PDGFA: variants seen among roughly 807,000 people sequenced by gnomAD.
PDGFA encodes platelet derived growth factor subunit A.
A neutral mutation model predicts 25.6 loss-of-function variants in PDGFA; 9 were observed. The ratio of observed to expected loss-of-function variants is 0.35; its 90% confidence interval spans 0.21 to 0.61. PDGFA has a LOEUF of 0.61. Among genes scored for constraint, PDGFA ranks in the 20% least tolerant of loss-of-function variants. The pLI, the probability that PDGFA is intolerant of heterozygous loss-of-function variation, is 0.75. For synonymous variants in PDGFA, 133 were observed against 111.8 expected (o/e 1.19, Z -1.20); for missense variants, 242 against 272.8 (o/e 0.89, Z 0.79).
Position 512,374 on chromosome 7 carries a change from G to C in PDGFA, c.242C>G (p.Pro81Arg), listed in dbSNP as rs781007987. Reference sequence around the variant, plus strand: ...ACCGATGCTTCTCTTCCTCCGAATGGGCAGGGGCCGCTTCTCGGGCACATG... The same window carrying C: ...ACCGATGCTTCTCTTCCTCCGAATGCGCAGGGGCCGCTTCTCGGGCACATG... The change falls in exon 3 of 6, where the codon CCC (proline) becomes CGC (arginine). Residue 81 changes from proline (P) to arginine (R), a missense_variant. Pro to Arg is a moderately radical substitution (Grantham distance 103). Around this residue, in one of 5 missense-constraint regions of PDGFA, gnomAD observed 55 missense variants for 88.2 expected, o/e 0.62. Transcript: ENST00000402802. The C allele has an allele frequency of 6.2e-7, 1 of 1,613,528 alleles. No homozygotes were observed. Among genetic ancestry groups the C allele is most frequent in the Non-Finnish European group, 8.5e-7 (1 of 1,179,956 alleles).
At position 500,754 on chromosome 7, in the gene PDGFA, C is replaced by A; in HGVS notation, c.580+362G>T. On this transcript the variant is annotated intron_variant, in intron 5 of 5. Transcript: ENST00000402802. The surrounding 1 kb of genome is among the most constrained non-coding windows in gnomAD (Gnocchi z 5.0). The stretch of plus-strand genomic sequence containing the variant: ...CCAGCCAGCCAGGGCAACTGCAGTC[C>A]TCGAACCTGCTCCTCCCGCCCACCC... 1 of 1,439,426 alleles carries A rather than the reference C, an allele frequency of 6.9e-7. No homozygotes were observed. The highest frequency in any genetic ancestry group is 9.1e-7 in the Non-Finnish European group (1 of 1,100,078). The allele number at this position is 1,439,426 out of a possible 1,614,324, so 89.2% of individuals were successfully genotyped here.
intron 4 of PDGFA, among the ~76,000 whole-genome samples, chr7:503,537 G>C (rs1419860309): frequency 1.3e-5 from 2 of 152,166 alleles, no homozygotes; most frequent in Non-Finnish European, 2.9e-5. Context: ...GAGGGAGGAG[G>C]GGAATGTTTC....
At chr7:510,810 T>G in exon 4 of PDGFA, 1 of 1,531,844 alleles carries the variant, frequency 6.5e-7, no homozygotes, top group Non-Finnish European at 8.8e-7. Flanking sequence ...AGGGCTCACC[T>G]TGACGCTGCG....
intron 4 of PDGFA, among the ~76,000 whole-genome samples, chr7:502,585 T>C (rs1218412022): frequency 1.3e-5 from 2 of 152,200 alleles, no homozygotes; most frequent in African/African-American, 4.8e-5. Context: ...CTCAGCTGGG[T>C]TCCCCTCTTC....
intron 4 of PDGFA, among the ~76,000 whole-genome samples, chr7:506,675 C>T (rs536539118): frequency 8.1e-4 from 124 of 152,290 alleles, no homozygotes; most frequent in Admixed American, 3.5e-3. Context: ...GTCCTACCCC[C>T]GAGGCTTGGG....
At position 500,698 on chromosome 7, in the gene PDGFA, G is replaced by A. The variant is rs1782289844; in HGVS notation, c.580+418C>T. ...CACAGAAGCCATTCTGCTCCTGGGT[G>A]GAGTCCGCGTGGCGGGGTGAAGGAG... On this transcript the variant is annotated intron_variant, in intron 5 of 5. Transcript: ENST00000402802. The surrounding 1 kb of genome is among the most constrained non-coding windows in gnomAD (Gnocchi z 5.0). 2.8e-6 allele frequency: 4 copies of A among 1,444,574 alleles called. No individual in the cohort carries two copies. Among genetic ancestry groups the A allele is most frequent in the Non-Finnish European group, 3.6e-6 (4 of 1,104,836 alleles). The allele number at this position is 1,444,574 out of a possible 1,614,324, so 89.5% of individuals were successfully genotyped here.
chr7:500,310 G>T lies in PDGFA; in HGVS notation c.580+806C>A. On this transcript the variant is annotated intron_variant, in intron 5 of 5. Transcript: ENST00000402802. The surrounding 1 kb of genome is among the most constrained non-coding windows in gnomAD (Gnocchi z 5.0). Reference sequence around the variant, plus strand: ...ACCCAAGCCCAGCAGACACCATCAAGGCCAATCAGGGCCACATCCCCGCCG... The same window carrying T: ...ACCCAAGCCCAGCAGACACCATCAATGCCAATCAGGGCCACATCCCCGCCG... The T allele has an allele frequency of 9.3e-7, 1 of 1,073,244 alleles. No homozygotes were observed. Among genetic ancestry groups the T allele is most frequent in the Non-Finnish European group, 1.4e-6 (1 of 719,962 alleles). 66.5% of individuals were successfully genotyped at this position (1,073,244 alleles called of 1,614,324 possible). A position where few individuals can be genotyped will look rare whatever the true frequency, so the allele number is the denominator to read the frequency against.
At position 514,114 on chromosome 7, in the gene PDGFA, G is replaced by A. The variant is rs909603261; in HGVS notation, c.161-1659C>T. 3.9e-5 allele frequency among the ~76,000 whole-genome samples: 6 copies of A among 152,308 alleles called. No homozygotes were observed. The South Asian group carries it at 6.2e-4, about 16-fold the overall frequency. On this transcript the variant is annotated intron_variant, in intron 2 of 5. Transcript: ENST00000402802. Reference sequence around the variant, plus strand: ...ATAACACCAGCTCCCATTTTCCGATGCCTTGTGATAGCCACGTTTGCATTA... The same window carrying A: ...ATAACACCAGCTCCCATTTTCCGATACCTTGTGATAGCCACGTTTGCATTA...
At chr7:510,853 T>G in exon 4 of PDGFA, 1 of 1,609,068 alleles carries the variant, frequency 6.2e-7, no homozygotes. Flanking sequence ...CACTTGACAC[T>G]GCTCGTGTTG....
At position 517,375 on chromosome 7, in the gene PDGFA, G is replaced by A; in HGVS notation, c.160+19C>T. On this transcript the variant is annotated intron_variant, in intron 2 of 5. Coordinates refer to ENST00000402802, the Ensembl canonical transcript of PDGFA. The surrounding 1 kb of genome is among the most constrained non-coding windows in gnomAD (Gnocchi z 7.4). ...CGCCCGCGCCCTCCCCGCGCGCGGA[G>A]GGAAGGGGCGCGATTTACCTACGGA... 7.8e-7 allele frequency: 1 copy of A among 1,285,022 alleles called. No individual in the cohort carries two copies. Among genetic ancestry groups the A allele is most frequent in the Middle Eastern group, 2.3e-4 (1 of 4,312 alleles). 79.6% of individuals were successfully genotyped at this position (1,285,022 alleles called of 1,614,324 possible).
At chr7:519,578 G>A (rs1783274754), upstream of PDGFA, among the ~76,000 whole-genome samples, 1 of 146,066 alleles carries the variant, frequency 6.8e-6, no homozygotes, top group East Asian at 2.0e-4. Flanking sequence ...GCCGGGCACA[G>A]CGCGGCCCAG....
At chr7:519,914 G>GCCCCCCCCCCCCGCCCCCGCCCCCGC, upstream of PDGFA, 1 of 59,408 alleles carries the variant, frequency 1.7e-5, no homozygotes, top group South Asian at 5.8e-4. Context: ...CCCCGCCCCC[G>GCCCCCCCCCCCCGCCCCCGCCCCCGC]CCCCCCCCCC....
At chr7:498,446 A>G in exon 6 of PDGFA, 2 of 964,930 alleles carry the variant, frequency 2.1e-6, no homozygotes, top group South Asian at 1.4e-5. Context: ...TCTCGGACAC[A>G]GTTTTTCACG....
At chr7:499,381 G>C (rs1782225419) in intron 5 of PDGFA, among the ~76,000 whole-genome samples, 1 of 152,218 alleles carries the variant, frequency 6.6e-6, no homozygotes, top group Non-Finnish European at 1.5e-5. Context: ...CAGGAGCCAG[G>C]GTTCTCAGAC....
At chr7:518,890 G>A (rs1406993906) in intron 1 of PDGFA, 49 bp downstream of exon 1, 4 of 1,307,630 alleles carry the variant, frequency 3.1e-6, no homozygotes, top group Non-Finnish European at 4.1e-6. Context: ...GGCGGGGGGT[G>A]TGCGCCGGAG....
chr7:499,359 C>T (rs914771286), intron 5 of PDGFA, among the ~76,000 whole-genome samples: 1 of 152,228 alleles, frequency 6.6e-6, no homozygotes. Flanking sequence ...GGCCCAAGTC[C>T]CACATTGCAA....
upstream of PDGFA, chr7:520,014 C>T (rs1783305497): frequency 1.3e-5 from 5 of 382,830 alleles, no homozygotes; most frequent in South Asian, 5.3e-5. Context: ...GCCGCCGCCG[C>T]GGCAGGGAGC....
chr7:514,448 AAGAT>A (rs1177615969), intron 2 of PDGFA, among the ~76,000 whole-genome samples: 7 of 152,180 alleles, frequency 4.6e-5, no homozygotes, highest in Non-Finnish European at 8.8e-5. Context: ...CTCCCAGCTC[AAGAT>A]GCCGAGAGTG....
chr7:500,527 T>A lies in PDGFA; in HGVS notation c.580+589A>T. 1 of 1,613,458 alleles carries A rather than the reference T, an allele frequency of 6.2e-7. No individual in the cohort carries two copies. On this transcript the variant is annotated intron_variant, in intron 5 of 5. Coordinates refer to ENST00000402802, the Ensembl canonical transcript of PDGFA. The surrounding 1 kb of genome is among the most constrained non-coding windows in gnomAD (Gnocchi z 5.0). The stretch of plus-strand genomic sequence containing the variant: ...GTTAACAAAAGGGCAGGGCGGTGAG[T>A]GGGCCGAGGGACGGCCGTCGGGGTG...
Sources: gnomAD v4.1 joint callset for allele counts (sites outside exome capture counted in the v4.1 genomes callset) on GRCh38, gnomAD v4.1.1 for gene constraint, gnomAD v4.1.1 regional missense constraint, Gnocchi (gnomAD v3.1) non-coding constraint, MANE v1.5 for transcripts, NCBI Gene and HGNC (gene_info 2026-07-23, HGNC 2026-07-21) for gene names.